Variants in CDH7 observed in about 807,000 individuals in gnomAD.
The protein encoded by CDH7 is cadherin-7.
CDH7 carries 25 observed loss-of-function variants against 71.8 expected under a neutral mutation model. The ratio of observed to expected loss-of-function variants is 0.35; its 90% CI spans 0.25 to 0.49. The LOEUF (loss-of-function observed/expected upper bound fraction) is 0.49, where lower values mean the gene tolerates loss of function less well. Ranked by LOEUF, CDH7 falls within the 20% of genes least tolerant of loss-of-function variation. The pLI is 0.99. For synonymous variants in CDH7, 381 were observed against 363.8 expected (o/e 1.05, Z -0.54); for missense variants, 862 against 974.6 (o/e 0.88, Z 1.54).
chr18:65,798,980 A>T (rs778469876), intron 2 of CDH7, among the ~76,000 whole-genome samples: 1 of 152,122 alleles, frequency 6.6e-6, no homozygotes, highest in East Asian at 1.9e-4. Flanking sequence ...CAGTTCCTGC[A>T]TACATATGTT....
intron 6 of CDH7, among the ~76,000 whole-genome samples, chr18:65,836,612 G>A (rs1476325532): frequency 6.6e-6 from 1 of 151,776 alleles, no homozygotes; most frequent in Non-Finnish European, 1.5e-5. Context: ...TCTATCTACT[G>A]GTAATAATCC....
intron 2 of CDH7, among the ~76,000 whole-genome samples, chr18:65,784,558 G>A (rs1158923459): frequency 6.6e-6 from 1 of 152,094 alleles, no homozygotes; most frequent in Admixed American, 6.6e-5. Context: ...ATTGGTGTTG[G>A]ACTGCAGTTA....
At chr18:65,773,968 A>G (rs1483795733) in intron 2 of CDH7, among the ~76,000 whole-genome samples, 1 of 152,166 alleles carries the variant, frequency 6.6e-6, no homozygotes, top group Non-Finnish European at 1.5e-5. Flanking sequence ...AAATGAAATA[A>G]TTATTGCTCC....
In CDH7 at chr18:65,866,324, AAAAAAAC is replaced by A. The variant is rs1568229028; in HGVS notation, c.1864+3414_1864+3420del. On this transcript the variant is annotated intron_variant, in intron 11 of 11. Transcript: ENST00000397968. Reference sequence around the variant, plus strand: ...AAAAAAAAAAAAAAAACAAAAAAAAAAAAAAACAAAAAAAAAAAAAAAAAGAATGAAA... The same window carrying A: ...AAAAAAAAAAAAAAAACAAAAAAAAAAAAAAAAAAAAAAAAAAGAATGAAA... 115 of 7,486 alleles carry A rather than the reference AAAAAAAC, an allele frequency of 0.015. 24 individuals are homozygous for A. The East Asian group carries it at 0.35, about 23-fold the overall frequency. 0.5% of individuals were successfully genotyped at this position (7,486 alleles called of 1,614,324 possible).
At chr18:65,772,498 G>T (rs1008772635) in intron 2 of CDH7, among the ~76,000 whole-genome samples, 3 of 152,126 alleles carry the variant, frequency 2.0e-5, no homozygotes, top group Non-Finnish European at 4.4e-5. Flanking sequence ...AGATACTGGG[G>T]AGTTCTAGTC....
intron 11 of CDH7, among the ~76,000 whole-genome samples, chr18:65,868,267 G>A (rs1426787115): frequency 6.6e-6 from 1 of 152,144 alleles, no homozygotes; most frequent in Non-Finnish European, 1.5e-5. Flanking sequence ...CTATGTGCTA[G>A]ACATCAGCCT....
intron 2 of CDH7, among the ~76,000 whole-genome samples, chr18:65,795,812 T>G (rs554464309): frequency 6.6e-6 from 1 of 152,138 alleles, no homozygotes; most frequent in Non-Finnish European, 1.5e-5. Flanking sequence ...CCTCATATCG[T>G]GGGAGGGATC....
At chr18:65,832,782 A>C (rs1405066099) in intron 6 of CDH7, among the ~76,000 whole-genome samples, 2 of 152,206 alleles carry the variant, frequency 1.3e-5, no homozygotes, top group East Asian at 3.9e-4. Context: ...ATAACTTAAA[A>C]TTAGGCACTT....
chr18:65,886,486 A>G lies in CDH7; in HGVS notation c.*5592A>G, dbSNP rs113147699. On this transcript the variant is annotated 3_prime_UTR_variant, in exon 12 of 12. Transcript: ENST00000397968. ...CCATTCATATGAATTAATGATATCC[A>G]TATGTGAATGGGATTATAAATAAAG... The G allele has an allele frequency of 6.6e-6, 1 of 152,294 alleles. No individual in the cohort carries two copies. Among genetic ancestry groups the G allele is most frequent in the African/African-American group, 2.4e-5 (1 of 41,570 alleles). 9.4% of individuals were successfully genotyped at this position (152,294 alleles called of 1,614,324 possible). A position where few individuals can be genotyped will look rare whatever the true frequency, so the allele number is the denominator to read the frequency against.
Position 65,876,677 on chromosome 18 carries a change from C to T in CDH7, c.1865-3724C>T, listed in dbSNP as rs1568233694. ...CTTCTTTATAAGATCATGTGTCCCT[C>T]TTTTGGAGTAATTATTACAATTCTA... is the stretch of plus-strand genomic sequence containing the variant. On this transcript the variant is annotated intron_variant, in intron 11 of 11. Transcript: ENST00000397968. 8.5e-5 allele frequency among the ~76,000 whole-genome samples: 13 copies of T among 152,154 alleles called. No individual in the cohort carries two copies. In the South Asian group the frequency reaches 2.7e-3, roughly 31 times the overall value.
intron 6 of CDH7, among the ~76,000 whole-genome samples, chr18:65,843,510 G>A (rs761230303): frequency 1.3e-5 from 2 of 151,934 alleles, no homozygotes; most frequent in Non-Finnish European, 2.9e-5. Flanking sequence ...AGTCCCTGTT[G>A]GAAAAAAAAT....
chr18:65,848,007 G>A (rs1225796458), intron 7 of CDH7, among the ~76,000 whole-genome samples: 1 of 151,986 alleles, frequency 6.6e-6, no homozygotes, highest in Admixed American at 6.6e-5. Context: ...GGTAATTGAG[G>A]GCAAGCACGT....
intron 7 of CDH7, among the ~76,000 whole-genome samples, chr18:65,846,989 TG>T (rs1186695325): frequency 6.6e-6 from 1 of 150,596 alleles, no homozygotes; most frequent in East Asian, 2.0e-4. Flanking sequence ...GCATTTTATA[TG>T]CAACCATATT....
At chr18:65,866,923 A>G (rs1464881787) in intron 11 of CDH7, among the ~76,000 whole-genome samples, 1 of 152,184 alleles carries the variant, frequency 6.6e-6, no homozygotes, top group Non-Finnish European at 1.5e-5. Flanking sequence ...TTTGAATGAG[A>G]TAAGCTATTG....
At chr18:65,870,244 A>G (rs1913888345) in intron 11 of CDH7, among the ~76,000 whole-genome samples, 1 of 152,196 alleles carries the variant, frequency 6.6e-6, no homozygotes, top group Non-Finnish European at 1.5e-5. Context: ...CTTTGCAAAA[A>G]TAAAAGTAGT....
intron 2 of CDH7, among the ~76,000 whole-genome samples, chr18:65,804,859 T>C (rs937078682): frequency 6.6e-6 from 1 of 152,190 alleles, no homozygotes; most frequent in African/African-American, 2.4e-5. Context: ...AAGTACAAAA[T>C]CACACACTAA....
At chr18:65,820,324 A>T (rs1044705733) in intron 4 of CDH7, among the ~76,000 whole-genome samples, 1 of 151,624 alleles carries the variant, frequency 6.6e-6, no homozygotes, top group Non-Finnish European at 1.5e-5. Flanking sequence ...GATTATTATT[A>T]AGCATGAAAG....
At chr18:65,770,483 A>C (rs1568175895) in intron 2 of CDH7, among the ~76,000 whole-genome samples, 1 of 152,230 alleles carries the variant, frequency 6.6e-6, no homozygotes, top group Admixed American at 6.5e-5. Flanking sequence ...TAATGTATTT[A>C]CAGGGTTGAA....
chr18:65,773,825 A>T (rs1278879736), intron 2 of CDH7, among the ~76,000 whole-genome samples: 1 of 152,126 alleles, frequency 6.6e-6, no homozygotes, highest in African/African-American at 2.4e-5. Context: ...TGAAACCATG[A>T]GCATTGCTGT....
Sources: allele counts gnomAD v4.1 joint callset (sites outside exome capture counted in the v4.1 genomes callset), GRCh38; gene constraint gnomAD v4.1.1; transcripts MANE v1.5; gene names NCBI Gene and HGNC (gene_info 2026-07-23, HGNC 2026-07-21).